Variants in PNPLA1 observed in about 807,000 individuals in gnomAD.
The protein encoded by PNPLA1 is omega-hydroxyceramide transacylase.
A neutral mutation model predicts 51.7 loss-of-function variants in PNPLA1; 36 were observed. The observed-to-expected ratio is 0.70, with a 90% CI of 0.53 to 0.92. The LOEUF (loss-of-function observed/expected upper bound fraction) is 0.92. Among genes scored for constraint, PNPLA1 ranks in the 40% least tolerant of loss-of-function variants. PNPLA1 has a pLI of 0.00. For missense variants in PNPLA1, 658 were observed against 682.5 expected (o/e 0.96, Z 0.40); for synonymous variants, 293 against 280.1 (o/e 1.05, Z -0.46).
At chr6:36,289,717 A>T (rs146746251) in intron 1 of PNPLA1, among the ~76,000 whole-genome samples, 5 of 152,268 alleles carry the variant, frequency 3.3e-5, no homozygotes, top group African/African-American at 1.2e-4. Flanking sequence ...GGAGTCAGAA[A>T]AATCACTGCC....
At position 36,278,038 on chromosome 6, in the gene PNPLA1, C is replaced by T. The variant is rs185021556; in HGVS notation, c.205+7374C>T. 8.4e-4 allele frequency among the ~76,000 whole-genome samples: 128 copies of T among 152,272 alleles called. 1 individual carries two copies. The highest frequency in any genetic ancestry group is 2.0e-3 in the Admixed American group (30 of 15,292). On this transcript the variant is annotated intron_variant, in intron 1 of 8. Coordinates refer to ENST00000636260, the MANE Select transcript of PNPLA1 (RefSeq NM_001374623.1). ...TACTGTGTCTCCTGCCTAGAATGAC[C>T]CTCTGCCCCCCTTTCAGAGAGAAAA...
rs371286502 is a variant in PNPLA1, at chr6:36,295,433, C to T, written c.775+9C>T. On this transcript the variant is annotated intron_variant, in intron 5 of 8. Transcript: ENST00000636260. ...GTACTTGAGGCGGCTGAGTAAGTACCGGTGGGGCCCCAGGTAAGGGCAGTG... is the reference window on the plus strand; with the variant it reads ...GTACTTGAGGCGGCTGAGTAAGTACTGGTGGGGCCCCAGGTAAGGGCAGTG... 2.5e-5 allele frequency: 41 copies of T among 1,613,902 alleles called. No individual in the cohort carries two copies. In the African/African-American group the frequency reaches 2.7e-4, roughly 11 times the overall value.
chr6:36,248,048 C>T (rs984508886), intron 1 of PNPLA1, among the ~76,000 whole-genome samples: 9 of 152,168 alleles, frequency 5.9e-5, no homozygotes, highest in Non-Finnish European at 1.2e-4. Flanking sequence ...GTCCCGGGCT[C>T]ATCTGCCACC....
intron 1 of PNPLA1, among the ~76,000 whole-genome samples, chr6:36,283,720 G>T (rs1457950061): frequency 1.3e-5 from 2 of 152,242 alleles, no homozygotes; most frequent in Non-Finnish European, 2.9e-5. Flanking sequence ...GGGAACACAA[G>T]TTAGAAGCAG....
rs1771056019 is a variant in PNPLA1 at position 36,301,770 on chromosome 6, C to T, written c.776-91C>T. On this transcript the variant is annotated intron_variant, in intron 5 of 8. Transcript: ENST00000636260. ...AGAAAGACCTTTGAAAAGCACTGTT[C>T]CTGTTTAGGAAAATAACTCAAGAAA... 1.2e-5 allele frequency: 17 copies of T among 1,469,306 alleles called. No homozygotes were observed. In the South Asian group the frequency reaches 2.1e-4, roughly 18 times the overall value. The allele number at this position is 1,469,306 out of a possible 1,614,324, so 91.0% of individuals were successfully genotyped here.
intron 1 of PNPLA1, among the ~76,000 whole-genome samples, chr6:36,282,079 A>AAG (rs1770309162): frequency 7.3e-6 from 1 of 136,196 alleles, no homozygotes; most frequent in South Asian, 2.6e-4. Context: ...GAAAGAAAGA[A>AAG]AGAAAGAAAG....
At chr6:36,283,866 C>G (rs142041133) in intron 1 of PNPLA1, among the ~76,000 whole-genome samples, 1 of 152,286 alleles carries the variant, frequency 6.6e-6, no homozygotes, top group Non-Finnish European at 1.5e-5. Context: ...AGAATCTGTA[C>G]GGCAGGATAG....
At chr6:36,277,882 C>T (rs1186865522) in intron 1 of PNPLA1, among the ~76,000 whole-genome samples, 1 of 151,308 alleles carries the variant, frequency 6.6e-6, no homozygotes, top group Non-Finnish European at 1.5e-5. Context: ...AACAAACAAT[C>T]ACAAAGCCAA....
chr6:36,253,715 A>G (rs1769471267), intron 1 of PNPLA1, among the ~76,000 whole-genome samples: 3 of 152,126 alleles, frequency 2.0e-5, no homozygotes, highest in Non-Finnish European at 4.4e-5. Context: ...CTGGCCTCAA[A>G]TGATCCTCCT....
rs1317565553 is a variant in PNPLA1, at chr6:36,295,366, C to T, written c.717C>T (p.Ile239=). ...TCTCCTGGTGCCTCCGCCCACAGAT[C>T]CTGCACGATTACTACTACCGAGGGT... is the stretch of plus-strand genomic sequence containing the variant. The part of the protein sequence containing the change: ...THALFPPDLV[I]LHDYYYRGYE... Residue 239 remains isoleucine, a splice_region_variant and synonymous_variant, in exon 5 of 9, where the codon ATC becomes ATT. Transcript: ENST00000636260. 6.2e-7 allele frequency: 1 copy of T among 1,614,178 alleles called. No individual in the cohort carries two copies. The highest frequency in any genetic ancestry group is 1.7e-5 in the Admixed American group (1 of 60,024).
chr6:36,302,081 G>T lies in PNPLA1; in HGVS notation c.996G>T (p.Val332=). The change falls in exon 6 of 9, where the codon GTG becomes GTT. Residue 332 remains valine (V), a synonymous_variant. Coordinates refer to ENST00000636260, the MANE Select transcript of PNPLA1 (RefSeq NM_001374623.1). ...ATGGTCCGCCTGTGTCCCAACCTGT[G>T]CAGACACTTGAATTCACATGCGAGT... The part of the protein sequence containing the change: ...GSHGPPVSQP[V]QTLEFTCESP... The T allele has an allele frequency of 6.2e-7, 1 of 1,614,200 alleles. No homozygotes were observed. The highest frequency in any genetic ancestry group is 1.1e-5 in the South Asian group (1 of 91,090).
At chr6:36,266,439 C>T (rs2127321422), upstream of PNPLA1, among the ~76,000 whole-genome samples, 1 of 152,338 alleles carries the variant, frequency 6.6e-6, no homozygotes, top group East Asian at 1.9e-4. Flanking sequence ...AGGACAGTGT[C>T]TCTGTCAGGA....
intron 1 of PNPLA1, among the ~76,000 whole-genome samples, chr6:36,247,301 T>G (rs1769312524): frequency 6.6e-6 from 1 of 152,202 alleles, no homozygotes; most frequent in African/African-American, 2.4e-5. Context: ...GTTATTCTAG[T>G]CCCTACCTTT....
rs372131796 is a variant in PNPLA1 at position 36,302,316 on chromosome 6, C to T, written c.1231C>T (p.Pro411Ser). ...PQQQVQPSGS[P>S]ARSLHSQAPT... ...GCAGCAGGTACAACCGTCTGGATCA[C>T]CAGCCAGATCCCTACACTCTCAGGC... The change falls in exon 6 of 9, where the codon CCA becomes TCA. Residue 411 changes from proline to serine, a missense_variant. Transcript: ENST00000636260. 9 of 1,613,948 alleles carry T rather than the reference C, an allele frequency of 5.6e-6. No individual in the cohort carries two copies. The highest frequency in any genetic ancestry group is 7.6e-6 in the Non-Finnish European group (9 of 1,179,966).
intron 2 of PNPLA1, among the ~76,000 whole-genome samples, chr6:36,292,117 G>T (rs189994434): frequency 6.6e-6 from 1 of 152,158 alleles, no homozygotes; most frequent in Admixed American, 6.5e-5. Flanking sequence ...CCGCAGGTAG[G>T]TCCCAGTGTC....
At chr6:36,291,248 C>A in intron 1 of PNPLA1, 72 bp from the exon 2 acceptor site, 3 of 1,231,428 alleles carry the variant, frequency 2.4e-6, no homozygotes, top group Non-Finnish European at 3.4e-6. Context: ...TTGGAGAAAC[C>A]ACCCTAGACC....
intron 8 of PNPLA1, among the ~76,000 whole-genome samples, chr6:36,309,095 CA>C (rs1771330554): frequency 6.6e-6 from 1 of 152,166 alleles, no homozygotes; most frequent in African/African-American, 2.4e-5. Flanking sequence ...AGGGATTTAT[CA>C]GACAGACAAG....
chr6:36,258,970 G>C (rs1769589521), intron 1 of PNPLA1, among the ~76,000 whole-genome samples: 1 of 152,168 alleles, frequency 6.6e-6, no homozygotes, highest in Non-Finnish European at 1.5e-5. Flanking sequence ...AAGCAGCAGG[G>C]TTTCAAGGCC....
intron 1 of PNPLA1, among the ~76,000 whole-genome samples, chr6:36,256,080 G>C (rs965066363): frequency 1.3e-5 from 2 of 152,192 alleles, no homozygotes; most frequent in South Asian, 4.1e-4. Flanking sequence ...AAAATAGCCC[G>C]GGCCTTTAAT....
Sources: gnomAD v4.1 joint callset for allele counts (sites outside exome capture counted in the v4.1 genomes callset) on GRCh38, gnomAD v4.1.1 for gene constraint, MANE v1.5 for transcripts, NCBI Gene and HGNC (gene_info 2026-07-23, HGNC 2026-07-21) for gene names.